Variants in KIRREL2 observed in about 807,000 individuals in gnomAD.
KIRREL2 encodes kin of IRRE-like protein 2.
KIRREL2 carries 56 observed loss-of-function variants against 73.4 expected under a neutral mutation model. The ratio of observed to expected loss-of-function variants is 0.76; its 90% CI spans 0.62 to 0.95. The LOEUF is 0.95. Ranked by LOEUF, KIRREL2 falls within the 40% of genes least tolerant of loss-of-function variation. The probability of loss-of-function intolerance (pLI) is 0.00; values close to 1 mark genes in which losing one functional copy is unlikely to be tolerated. For missense variants in KIRREL2, 896 were observed against 935.0 expected (o/e 0.96, Z 0.54); for synonymous variants, 407 against 404.0 (o/e 1.01, Z -0.09).
At position 35,861,013 on chromosome 19, in the gene KIRREL2, T is replaced by G. The variant is rs553235458; in HGVS notation, c.1033T>G (p.Trp345Gly). ...WRGNPLPRVT[W>G]TRRGGAQVLG... ...CGGGAACCCGCTTCCACGGGTAACC[T>G]GGACCCGCCGCGGTGGCGCGCAGGT... Residue 345 changes from tryptophan (W) to glycine (G), a missense_variant, in exon 8 of 15, where the codon TGG becomes GGG. Transcript: ENST00000360202. The G allele has an allele frequency of 9.2e-5, 148 of 1,611,022 alleles. No individual in the cohort carries two copies. The East Asian group carries it at 3.1e-3, about 34-fold the overall frequency.
chr19:35,855,003 T>C (rs1973373601), upstream of KIRREL2, among the ~76,000 whole-genome samples: 2 of 152,118 alleles, frequency 1.3e-5, no homozygotes, highest in South Asian at 4.2e-4. Context: ...CCTGCGGGAA[T>C]TGGAAATGCT....
upstream of KIRREL2, chr19:35,851,499 G>A: frequency 6.2e-7 from 1 of 1,613,652 alleles, no homozygotes; most frequent in South Asian, 1.1e-5. Flanking sequence ...GGGAAGCCTG[G>A]GATCCTGGGG....
chr19:35,853,692 G>T (rs1414815859), upstream of KIRREL2, among the ~76,000 whole-genome samples: 1 of 151,764 alleles, frequency 6.6e-6, no homozygotes, highest in Non-Finnish European at 1.5e-5. Context: ...TGTTTGTAGA[G>T]ACAGGGTCTT....
At position 35,861,025 on chromosome 19, in the gene KIRREL2, G is replaced by C; in HGVS notation, c.1045G>C (p.Gly349Arg). 1 of 1,611,752 alleles carries C rather than the reference G, an allele frequency of 6.2e-7. No individual in the cohort carries two copies. Among genetic ancestry groups the C allele is most frequent in the Middle Eastern group, 1.7e-4 (1 of 6,052 alleles). Reference protein sequence around the residue: ...PLPRVTWTRRGGAQVLGSGAT... With the variant: ...PLPRVTWTRRRGAQVLGSGAT... ...TCCACGGGTAACCTGGACCCGCCGC[G>C]GTGGCGCGCAGGTACAGCCCTAAAT... The change falls in exon 8 of 15, where the codon GGT becomes CGT. Residue 349 changes from glycine (G) to arginine (R), a missense_variant. Physicochemically the swap from Gly to Arg is moderately radical, Grantham distance 125 (BLOSUM62 -2). Transcript: ENST00000360202.
At chr19:35,861,412 CG>C in intron 9 of KIRREL2, 128 bp from the exon 10 acceptor site, 1 of 1,459,890 alleles carries the variant, frequency 6.8e-7, no homozygotes, top group Non-Finnish European at 9.3e-7. Flanking sequence ...TTAGGAGAAT[CG>C]GAGTTTGGAG....
At chr19:35,862,787 G>T (rs868643019) in intron 12 of KIRREL2, 140 bp from the exon 13 acceptor site, 1 of 687,608 alleles carries the variant, frequency 1.5e-6, no homozygotes, top group Non-Finnish European at 2.5e-6. Context: ...CACACTCCTC[G>T]GTGGGAATGA....
intron 2 of KIRREL2, 33 bp from the exon 3 acceptor site, chr19:35,858,375 A>G (rs769344024): frequency 1.7e-5 from 27 of 1,603,372 alleles, no homozygotes; most frequent in South Asian, 1.1e-5. Flanking sequence ...TTTCAGAACC[A>G]TGGTGTGCTG....
chr19:35,859,343 T>G lies in KIRREL2; in HGVS notation c.523-138T>G. Reference sequence around the variant, plus strand: ...AAAACATTATGAGACTTTTTTGTAATTTTTTAGCTCATCAGCTATCATTAG... The same window carrying G: ...AAAACATTATGAGACTTTTTTGTAAGTTTTTAGCTCATCAGCTATCATTAG... On this transcript the variant is annotated intron_variant, in intron 4 of 14. Coordinates refer to ENST00000360202, the MANE Select transcript of KIRREL2 (RefSeq NM_199180.4). 3 of 751,006 alleles carry G rather than the reference T, an allele frequency of 4.0e-6. No homozygotes were observed. In the South Asian group the frequency reaches 6.6e-5, roughly 17 times the overall value. 46.5% of individuals were successfully genotyped at this position (751,006 alleles called of 1,614,324 possible). A position where few individuals can be genotyped will look rare whatever the true frequency, so the allele number is the denominator to read the frequency against.
In KIRREL2 at chr19:35,863,597, C is replaced by T. The variant is rs540194841; in HGVS notation, c.1725+561C>T. ...CCTCCTGAGTAGCTGCGATTACAGGCGCCCACCACCACGCCTGACTGATTT... is the reference window on the plus strand; with the variant it reads ...CCTCCTGAGTAGCTGCGATTACAGGTGCCCACCACCACGCCTGACTGATTT... On this transcript the variant is annotated intron_variant, in intron 13 of 14. Transcript: ENST00000360202. 3.3e-5 allele frequency among the ~76,000 whole-genome samples: 5 copies of T among 151,818 alleles called. No individual in the cohort carries two copies. The East Asian group carries it at 7.8e-4, about 24-fold the overall frequency.
chr19:35,865,984 C>G (rs1169595813), intron 14 of KIRREL2, among the ~76,000 whole-genome samples, 173 bp from the exon 15 acceptor site: 3 of 152,092 alleles, frequency 2.0e-5, no homozygotes, highest in Non-Finnish European at 4.4e-5. Flanking sequence ...TATCACTGTT[C>G]CTCTGTCTCA....
At chr19:35,861,470 G>C in intron 9 of KIRREL2, 71 bp from the exon 10 acceptor site, 1 of 1,532,234 alleles carries the variant, frequency 6.5e-7, no homozygotes. Flanking sequence ...GCGCTGGACA[G>C]ACCCGGCTTT....
chr19:35,857,086 T>A lies in KIRREL2; in HGVS notation c.-34T>A. The A allele has an allele frequency of 6.2e-7, 1 of 1,612,888 alleles. No individual in the cohort carries two copies. Among genetic ancestry groups the A allele is most frequent in the Non-Finnish European group, 8.5e-7 (1 of 1,179,230 alleles). ...AGGAAGAAGTTGACGGGAAGGCCAGTGCGACGGCAAATCTCGTGAACCTTG... is the reference window on the plus strand; with the variant it reads ...AGGAAGAAGTTGACGGGAAGGCCAGAGCGACGGCAAATCTCGTGAACCTTG... On this transcript the variant is annotated 5_prime_UTR_variant, in exon 1 of 15. Coordinates refer to ENST00000360202, the MANE Select transcript of KIRREL2 (RefSeq NM_199180.4).
Position 35,860,697 on chromosome 19 carries a change from C to A in KIRREL2, c.928+30C>A. On this transcript the variant is annotated intron_variant, in intron 7 of 14. Coordinates refer to ENST00000360202, the MANE Select transcript of KIRREL2 (RefSeq NM_199180.4). ...GCTGGGGCCGGCCTGTGGGTGTGGT[C>A]AAAGGTGGCCGTGGCTTTCAGGGCT... 2.5e-6 allele frequency: 4 copies of A among 1,598,864 alleles called. No homozygotes were observed. The South Asian group carries it at 4.4e-5, about 18-fold the overall frequency.
Position 35,856,957 on chromosome 19 carries a change from C to A in KIRREL2, c.-163C>A. The A allele has an allele frequency of 1.3e-6, 1 of 757,212 alleles. No homozygotes were observed. Among genetic ancestry groups the A allele is most frequent in the Non-Finnish European group, 2.3e-6 (1 of 427,114 alleles). The allele number at this position is 757,212 out of a possible 1,614,324, so 46.9% of individuals were successfully genotyped here. A position where few individuals can be genotyped will look rare whatever the true frequency, so the allele number is the denominator to read the frequency against. The stretch of plus-strand genomic sequence containing the variant: ...GGCAGGCGTTTCAGAGCGTCAGAGG[C>A]TGCGGATGAGCAGACTTGGAGGACT... On this transcript the variant is annotated 5_prime_UTR_variant, in exon 1 of 15. It adds an upstream start codon to the 5' untranslated region. Transcript: ENST00000360202. This position sits in a 1 kb window ranked among gnomAD's most constrained non-coding sequence, Gnocchi z 5.9.
chr19:35,866,276 T>C lies in KIRREL2; in HGVS notation c.1911T>C (p.Pro637=). ...CCCCCCTTGGGCCCCCAGGGACCCC[T>C]ACCTTCTATGACTTCAACCCACACC... ...PPSPLGPPGT[P]TFYDFNPHLG... Residue 637 remains proline, a synonymous_variant, in exon 15 of 15, where the codon CCT becomes CCC. Coordinates refer to ENST00000360202, the MANE Select transcript of KIRREL2 (RefSeq NM_199180.4). The C allele has an allele frequency of 6.2e-7, 1 of 1,608,300 alleles. No individual in the cohort carries two copies. The highest frequency in any genetic ancestry group is 1.1e-5 in the South Asian group (1 of 90,738).
chr19:35,852,263 C>A (rs1029067036), upstream of KIRREL2, among the ~76,000 whole-genome samples: 8 of 151,728 alleles, frequency 5.3e-5, no homozygotes, highest in Non-Finnish European at 1.2e-4. Flanking sequence ...CTTGTCTAAG[C>A]CGTTCTCTCT....
chr19:35,861,857 T>C lies in KIRREL2; in HGVS notation c.1343T>C (p.Leu448Pro), dbSNP rs779883535. The C allele has an allele frequency of 1.3e-5, 20 of 1,590,540 alleles. No homozygotes were observed. The highest frequency in any genetic ancestry group is 2.3e-5 in the East Asian group (1 of 44,084). ...FLEAGSQGRF[L>P]VETFPAPESR... Reference sequence around the variant, plus strand: ...GAGGCGGGGTCGCAGGGCCGGTTCCTGGTGGAGACATTCCCTGCCCCAGAG... The same window carrying C: ...GAGGCGGGGTCGCAGGGCCGGTTCCCGGTGGAGACATTCCCTGCCCCAGAG... The change falls in exon 11 of 15, where the codon CTG becomes CCG. Residue 448 changes from leucine to proline, a missense_variant. Coordinates refer to ENST00000360202, the MANE Select transcript of KIRREL2 (RefSeq NM_199180.4).
At position 35,860,674 on chromosome 19, in the gene KIRREL2, TG is replaced by T; in HGVS notation, c.928+11del. The T allele has an allele frequency of 6.2e-7, 1 of 1,601,500 alleles. No individual in the cohort carries two copies. ...ACTGCGCTGGATGTGCTGTGTGAGC[TG>T]GGGCCGGCCTGTGGGTGTGGTCAAA... On this transcript the variant is annotated splice_region_variant and intron_variant, in intron 7 of 14. Coordinates refer to ENST00000360202, the MANE Select transcript of KIRREL2 (RefSeq NM_199180.4).
chr19:35,859,912 G>T (rs1285557229), intron 5 of KIRREL2, among the ~76,000 whole-genome samples: 1 of 152,202 alleles, frequency 6.6e-6, no homozygotes, highest in African/African-American at 2.4e-5. Context: ...GGGCGTGGTA[G>T]CACACACTTG....
Sources: allele counts gnomAD v4.1 joint callset (sites outside exome capture counted in the v4.1 genomes callset), GRCh38; gene constraint gnomAD v4.1.1; non-coding constraint Gnocchi (gnomAD v3.1); transcripts MANE v1.5; gene names NCBI Gene and HGNC (gene_info 2026-07-23, HGNC 2026-07-21).